SLC12A6: variants seen among roughly 807,000 people sequenced by gnomAD.
SLC12A6 encodes solute carrier family 12 member 6, also known as K-Cl cotransporter 3.
A neutral mutation model predicts 135.3 loss-of-function variants in SLC12A6; 66 were observed. The ratio of observed to expected loss-of-function variants is 0.49; its 90% CI spans 0.40 to 0.60. SLC12A6 has a LOEUF of 0.60. Ranked by LOEUF, SLC12A6 falls within the 20% of genes least tolerant of loss-of-function variation. SLC12A6 has a pLI of 0.00. For synonymous variants in SLC12A6, 513 were observed against 508.8 expected, an observed-to-expected ratio of 1.01 and a Z score of -0.11; for missense variants, 1,058 against 1,452.3, an observed-to-expected ratio of 0.73 and a Z score of 4.41.
chr15:34,252,124 T>C (rs1566813281), intron 10 of SLC12A6, 46 bp downstream of exon 10: 1 of 968,906 alleles, frequency 1.0e-6, no homozygotes, highest in East Asian at 2.5e-5. Flanking sequence ...AGGCCTATTT[T>C]CCCCAGAAAA....
At chr15:34,271,747 C>A (rs1893970771) in intron 3 of SLC12A6, among the ~76,000 whole-genome samples, 1 of 152,008 alleles carries the variant, frequency 6.6e-6, no homozygotes, top group Non-Finnish European at 1.5e-5. Context: ...TCAGTGGGAA[C>A]AGTAGATACA....
At chr15:34,302,863 T>C (rs1279267632) in intron 2 of SLC12A6, among the ~76,000 whole-genome samples, 2 of 150,780 alleles carry the variant, frequency 1.3e-5, no homozygotes, top group Non-Finnish European at 2.9e-5. Context: ...GGTGAGAGGA[T>C]TGCTTGAGCC....
At chr15:34,329,926 T>C (rs955650747) in intron 2 of SLC12A6, among the ~76,000 whole-genome samples, 8 of 152,318 alleles carry the variant, frequency 5.3e-5, no homozygotes, top group African/African-American at 1.4e-4. Flanking sequence ...CCCAACTTTT[T>C]TGGGGAGGAG....
rs200485502 is a variant in SLC12A6, at chr15:34,254,375, T to C, written c.1091A>G (p.Lys364Arg). 2 of 1,613,910 alleles carry C rather than the reference T, an allele frequency of 1.2e-6. No individual in the cohort carries two copies. Among genetic ancestry groups the C allele is most frequent in the South Asian group, 2.2e-5 (2 of 91,072 alleles). ...GAAGTGTGGAGGAGCAAAAGAAGAC[T>C]TGATGGCTCCAGCATAGATGGCCAA... ...SILAIYAGAI[K>R]SSFAPPHFPV... Residue 364 changes from lysine (K) to arginine (R), a missense_variant, in exon 9 of 26, where the codon AAG (lysine) becomes AGG (arginine). Physicochemically the swap from Lys to Arg is conservative, Grantham distance 26. Around this residue, in one of 6 missense-constraint regions of SLC12A6, gnomAD observed 297 missense variants for 318.5 expected, o/e 0.93. Transcript: ENST00000354181.
In SLC12A6 at chr15:34,326,858, CTTTTTTTTTTT is replaced by C. The variant is rs397963192; in HGVS notation, c.271+9541_271+9551del. ...AGGTGCACACCACCACAACTGGCTG[CTTTTTTTTTTT>C]TTTTTTTTTTTTTTTTTGTAGAGAT... On this transcript the variant is annotated intron_variant, in intron 2 of 25. Coordinates refer to ENST00000354181, the MANE Select transcript of SLC12A6 (RefSeq NM_001365088.1). Among the ~76,000 whole-genome samples, 51 of 72,176 alleles carry C rather than the reference CTTTTTTTTTTT, an allele frequency of 7.1e-4. 1 individual carries two copies. The highest frequency in any genetic ancestry group is 1.4e-3 in the Admixed American group (8 of 5,904). The allele number at this position is 72,176 out of a possible 152,430, so 47.4% of individuals were successfully genotyped here.
chr15:34,312,608 T>C (rs1888337899), intron 2 of SLC12A6, among the ~76,000 whole-genome samples: 1 of 152,216 alleles, frequency 6.6e-6, no homozygotes, highest in Non-Finnish European at 1.5e-5. Context: ...AGTCCGAGTT[T>C]CTGCTTTTCC....
At chr15:34,304,813 T>C (rs1420134252) in intron 2 of SLC12A6, among the ~76,000 whole-genome samples, 1 of 152,214 alleles carries the variant, frequency 6.6e-6, no homozygotes, top group Non-Finnish European at 1.5e-5. Flanking sequence ...AAACCTTACT[T>C]AGCATTTACA....
At position 34,241,220 on chromosome 15, in the gene SLC12A6, T is replaced by C. The variant is rs1421688680; in HGVS notation, c.2267+13A>G. 2 of 1,368,442 alleles carry C rather than the reference T, an allele frequency of 1.5e-6. No homozygotes were observed. The highest frequency in any genetic ancestry group is 2.1e-6 in the Non-Finnish European group (2 of 955,728). The allele number at this position is 1,368,442 out of a possible 1,614,324, so 84.8% of individuals were successfully genotyped here. A position where few individuals can be genotyped will look rare whatever the true frequency, so the allele number is the denominator to read the frequency against. On this transcript the variant is annotated intron_variant, in intron 18 of 25. Coordinates refer to ENST00000354181, the MANE Select transcript of SLC12A6 (RefSeq NM_001365088.1). ...AACCATGTGCCAAATACTGCTAGTG[T>C]TGATTTCTTTACCTCCAGTTTTTAG...
intron 2 of SLC12A6, among the ~76,000 whole-genome samples, chr15:34,308,657 C>A (rs199929470): frequency 0.03 from 4,146 of 136,210 alleles, 167 homozygotes; most frequent in African/African-American, 0.082. Context: ...AAAAAACAAA[C>A]CAGATTGTTG....
chr15:34,288,107 C>A (rs1895240148), intron 2 of SLC12A6, among the ~76,000 whole-genome samples: 1 of 152,008 alleles, frequency 6.6e-6, no homozygotes. Flanking sequence ...TTTTATGGTC[C>A]TAGGTCTTAT....
chr15:34,240,705 C>G lies in SLC12A6; in HGVS notation c.2392G>C (p.Gly798Arg), dbSNP rs1795312890. ...GLTIVGSVIV[G>R]NFLENYGEAL... ...TCACCGTAGTTCTCTAGGAAGTTCC[C>G]CACGATGACAGAGCCCACAATAGTG... The change falls in exon 19 of 26, where the codon GGG becomes CGG. Residue 798 changes from glycine to arginine, a missense_variant. Around this residue, in one of 6 missense-constraint regions of SLC12A6, gnomAD observed 31 missense variants for 24.3 expected, o/e 1.28. Coordinates refer to ENST00000354181, the MANE Select transcript of SLC12A6 (RefSeq NM_001365088.1). 6.2e-7 allele frequency: 1 copy of G among 1,613,966 alleles called. No homozygotes were observed. Among genetic ancestry groups the G allele is most frequent in the African/African-American group, 1.3e-5 (1 of 74,904 alleles).
chr15:34,260,426 T>G (rs1047812016), intron 4 of SLC12A6, among the ~76,000 whole-genome samples: 3 of 151,966 alleles, frequency 2.0e-5, no homozygotes, highest in African/African-American at 7.3e-5. Context: ...GCCCGGCTAA[T>G]TTTTTGTAGT....
intron 2 of SLC12A6, among the ~76,000 whole-genome samples, chr15:34,293,077 A>G (rs1440690763): frequency 6.6e-6 from 1 of 152,166 alleles, no homozygotes; most frequent in Non-Finnish European, 1.5e-5. Flanking sequence ...GAAATGCAGA[A>G]ATCACCCATC....
Position 34,245,785 on chromosome 15 carries a change from A to G in SLC12A6, c.1732T>C (p.Phe578Leu). The change falls in exon 14 of 26, where the codon TTT becomes CTT. Residue 578 changes from phenylalanine (F) to leucine (L), a missense_variant. By Grantham distance (22) the Phe-to-Leu change is conservative (BLOSUM62 0). Coordinates refer to ENST00000354181, the MANE Select transcript of SLC12A6 (RefSeq NM_001365088.1). The stretch of plus-strand genomic sequence containing the variant: ...TGAAGTCCAGCCCCACATGTTGAAA[A>G]GAAGGAGCCAATAACAATCACCCAT... ...SPWVIVIGSF[F>L]STCGAGLQSL... 1 of 1,613,794 alleles carries G rather than the reference A, an allele frequency of 6.2e-7. No individual in the cohort carries two copies. The highest frequency in any genetic ancestry group is 1.7e-5 in the Admixed American group (1 of 60,024).
In SLC12A6 at chr15:34,260,971, A is replaced by G; in HGVS notation, c.366T>C (p.Tyr122=). 2 of 1,577,732 alleles carry G rather than the reference A, an allele frequency of 1.3e-6. No individual in the cohort carries two copies. The highest frequency in any genetic ancestry group is 1.7e-6 in the Non-Finnish European group (2 of 1,146,958). The part of the protein sequence containing the change: ...ARNAYLNNSN[Y]EEGDEYFDKN... ...TATCAAAATATTCATCTCCTTCTTC[A>G]TAATTGGAATTATTGAGATAAGCAT... Residue 122 remains tyrosine (Y), a synonymous_variant, in exon 4 of 26, where the codon TAT becomes TAC. Coordinates refer to ENST00000354181, the MANE Select transcript of SLC12A6 (RefSeq NM_001365088.1).
chr15:34,316,645 T>C (rs1271091561), intron 2 of SLC12A6, among the ~76,000 whole-genome samples: 1 of 152,194 alleles, frequency 6.6e-6, no homozygotes. Flanking sequence ...GCAATTACTA[T>C]GGAAGAAAAT....
At chr15:34,239,370 G>A (rs1389927199) in intron 19 of SLC12A6, among the ~76,000 whole-genome samples, 1 of 152,118 alleles carries the variant, frequency 6.6e-6, no homozygotes, top group Non-Finnish European at 1.5e-5. Flanking sequence ...CTCTGTAGCT[G>A]GTTGTCTACA....
intron 2 of SLC12A6, among the ~76,000 whole-genome samples, chr15:34,293,304 A>T (rs1895665725): frequency 6.6e-6 from 1 of 152,082 alleles, no homozygotes; most frequent in Non-Finnish European, 1.5e-5. Context: ...TATTTTATTT[A>T]ATTAATTAAT....
intron 21 of SLC12A6, 123 bp downstream of exon 21, chr15:34,238,108 AT>A: frequency 1.3e-6 from 1 of 754,998 alleles, no homozygotes; most frequent in South Asian, 1.5e-5. Context: ...AAAGCCTAGA[AT>A]AACTTCCAAC....
Sources: allele counts gnomAD v4.1 joint callset (sites outside exome capture counted in the v4.1 genomes callset), GRCh38; gene constraint gnomAD v4.1.1; regional missense constraint gnomAD v4.1.1; transcripts MANE v1.5; gene names NCBI Gene and HGNC (gene_info 2026-07-23, HGNC 2026-07-21).